Variants in PALM2AKAP2 observed in about 807,000 individuals in gnomAD.
The protein encoded by PALM2AKAP2 is PALM2 and AKAP2 fusion.
Under a neutral mutation model 71.5 loss-of-function variants are expected in PALM2AKAP2, and 37 were observed. The ratio of observed to expected loss-of-function variants is 0.52; its 90% confidence interval spans 0.40 to 0.68. The LOEUF is 0.68. PALM2AKAP2 is among the 30% of genes least tolerant of loss of function. PALM2AKAP2 has a pLI of 0.00. For synonymous variants in PALM2AKAP2, 468 were observed against 478.8 expected (o/e 0.98, Z 0.29); for missense variants, 1,224 against 1,191.8 (o/e 1.03, Z -0.40).
intron 1 of PALM2AKAP2, among the ~76,000 whole-genome samples, chr9:110,066,500 C>G (rs1834082247): frequency 6.6e-6 from 1 of 152,070 alleles, no homozygotes; most frequent in South Asian, 2.1e-4. Context: ...AGTTCTAGAC[C>G]AGCCTGGGCA....
chr9:109,823,576 A>G (rs59670179), intron 1 of PALM2AKAP2, among the ~76,000 whole-genome samples: 17,321 of 152,198 alleles, frequency 0.11, 1,536 homozygotes, highest in African/African-American at 0.25. Context: ...AGTGGAGACC[A>G]CAGAGTGGCA....
intron 7 of PALM2AKAP2, among the ~76,000 whole-genome samples, chr9:110,035,777 T>A (rs1485706337): frequency 7.9e-6 from 1 of 126,366 alleles, no homozygotes; most frequent in South Asian, 2.5e-4. Flanking sequence ...ATGTTATATG[T>A]AACATATATA....
At chr9:109,758,192 T>G (rs1286625284) in intron 1 of PALM2AKAP2, among the ~76,000 whole-genome samples, 1 of 152,154 alleles carries the variant, frequency 6.6e-6, no homozygotes, top group Non-Finnish European at 1.5e-5. Context: ...CATCAGTGCA[T>G]GAAGAGTTTT....
At chr9:109,801,917 G>A (rs928999520) in intron 1 of PALM2AKAP2, among the ~76,000 whole-genome samples, 1 of 152,104 alleles carries the variant, frequency 6.6e-6, no homozygotes, top group Non-Finnish European at 1.5e-5. Flanking sequence ...CTAATGAGAG[G>A]GACCATGGGG....
At chr9:109,916,906 T>C (rs1367705262) in intron 3 of PALM2AKAP2, among the ~76,000 whole-genome samples, 1 of 152,224 alleles carries the variant, frequency 6.6e-6, no homozygotes, top group East Asian at 1.9e-4. Context: ...GTAGGTAGAA[T>C]AATGGACCCC....
Position 109,925,146 on chromosome 9 carries a change from T to A in PALM2AKAP2, c.394+64T>A, listed in dbSNP as rs1016110502. 1.4e-5 allele frequency: 22 copies of A among 1,607,000 alleles called. No individual in the cohort carries two copies. The African/African-American group carries it at 2.9e-4, about 21-fold the overall frequency. The stretch of plus-strand genomic sequence containing the variant: ...ATCCTGGTCAGCTTAGGGGGTTTCA[T>A]TAACAGGGGCTTAAGGAAGAGGTAC... On this transcript the variant is annotated intron_variant, in intron 5 of 9. Transcript: ENST00000302798.
chr9:109,941,222 C>A (rs941112925), intron 6 of PALM2AKAP2, among the ~76,000 whole-genome samples: 1 of 143,190 alleles, frequency 7.0e-6, no homozygotes, highest in Non-Finnish European at 1.5e-5. Context: ...TCTGGCCATA[C>A]AGAAACAGGC....
chr9:109,948,387 C>T (rs778437954), intron 6 of PALM2AKAP2, among the ~76,000 whole-genome samples: 57 of 152,082 alleles, frequency 3.7e-4, no homozygotes, highest in African/African-American at 1.3e-3. Flanking sequence ...ATAAGAAGGT[C>T]GGAACTGTCG....
chr9:109,906,887 A>G (rs1330986042), intron 3 of PALM2AKAP2, among the ~76,000 whole-genome samples: 1 of 152,234 alleles, frequency 6.6e-6, no homozygotes, highest in Non-Finnish European at 1.5e-5. Context: ...GTGGCATTCA[A>G]GAGCCATCAT....
intron 6 of PALM2AKAP2, among the ~76,000 whole-genome samples, chr9:110,011,914 C>T (rs1832890193): frequency 1.3e-5 from 2 of 152,202 alleles, no homozygotes; most frequent in African/African-American, 4.8e-5. Context: ...AGATCTCCAC[C>T]ATAGGTACGA....
At chr9:109,802,815 T>C (rs1247768732) in intron 1 of PALM2AKAP2, among the ~76,000 whole-genome samples, 3 of 152,242 alleles carry the variant, frequency 2.0e-5, no homozygotes, top group Admixed American at 2.0e-4. Context: ...CTCCATCCTA[T>C]GGGAGGAAGA....
intron 1 of PALM2AKAP2, among the ~76,000 whole-genome samples, chr9:109,664,344 G>A (rs1310767737): frequency 6.6e-6 from 1 of 152,138 alleles, no homozygotes; most frequent in Non-Finnish European, 1.5e-5. Context: ...TTCTTTCCAT[G>A]TTTAGTGCCT....
Position 109,847,715 on chromosome 9 carries a change from TG to T in PALM2AKAP2, c.46-19773del, listed in dbSNP as rs1348825727. 2.7e-5 allele frequency: 4 copies of T among 146,256 alleles called. No individual in the cohort carries two copies. The East Asian group carries it at 8.0e-4, about 29-fold the overall frequency. 9.1% of individuals were successfully genotyped at this position (146,256 alleles called of 1,614,324 possible). ...GAGATCGCACCACTGCCCTCCAGCC[TG>T]GGCAAGAGTGCAAGACTCCATCTCA... On this transcript the variant is annotated intron_variant, in intron 1 of 9. Transcript: ENST00000302798.
At chr9:110,038,298 C>T (rs557715821) in intron 7 of PALM2AKAP2, among the ~76,000 whole-genome samples, 37 of 152,070 alleles carry the variant, frequency 2.4e-4, no homozygotes, top group African/African-American at 8.9e-4. Context: ...CCATTGCACT[C>T]CAGCCTGGGT....
chr9:110,005,219 G>T lies in PALM2AKAP2; in HGVS notation c.497-10735G>T, dbSNP rs565099122. 1.6e-3 allele frequency among the ~76,000 whole-genome samples: 238 copies of T among 152,244 alleles called. 3 individuals carry two copies. Among genetic ancestry groups the T allele is most frequent in the African/African-American group, 5.2e-3 (218 of 41,556 alleles). On this transcript the variant is annotated intron_variant, in intron 6 of 9. Coordinates refer to the PALM2AKAP2 transcript ENST00000302798. ...ATGGGGTTTTGGTGTGGATGTCCTT[G>T]CTGTTTGTTAGTTTTCCTTCTAACA... is the stretch of plus-strand genomic sequence containing the variant.
chr9:109,785,927 A>T (rs1007715), intron 1 of PALM2AKAP2, among the ~76,000 whole-genome samples: 2 of 152,172 alleles, frequency 1.3e-5, no homozygotes, highest in Non-Finnish European at 2.9e-5. Context: ...ATGTGTCTCT[A>T]TGGAATATGC....
chr9:109,646,503 T>G (rs1827156804), intron 1 of PALM2AKAP2, among the ~76,000 whole-genome samples: 1 of 152,224 alleles, frequency 6.6e-6, no homozygotes, highest in African/African-American at 2.4e-5. Context: ...TCACATGGAC[T>G]TAGGCTTATA....
intron 6 of PALM2AKAP2, among the ~76,000 whole-genome samples, chr9:109,974,708 G>A (rs1832139263): frequency 6.6e-6 from 1 of 152,180 alleles, no homozygotes; most frequent in Non-Finnish European, 1.5e-5. Flanking sequence ...TGCTGCTGCA[G>A]CACCAGAGTA....
At chr9:110,031,333 T>C (rs1237147132) in intron 7 of PALM2AKAP2, among the ~76,000 whole-genome samples, 1 of 152,242 alleles carries the variant, frequency 6.6e-6, no homozygotes, top group Non-Finnish European at 1.5e-5. Context: ...TTTCACCATG[T>C]TGGCCAGGCT....
Sources: gnomAD v4.1 joint callset for allele counts (sites outside exome capture counted in the v4.1 genomes callset) on GRCh38, gnomAD v4.1.1 for gene constraint, MANE v1.5 for transcripts, NCBI Gene and HGNC (gene_info 2026-07-23, HGNC 2026-07-21) for gene names.